FAM227B: variants seen among roughly 807,000 people sequenced by gnomAD.
FAM227B encodes the protein family with sequence similarity 227 member B, also known as protein FAM227B.
FAM227B carries 88 observed loss-of-function variants against 73.8 expected under a neutral mutation model. The ratio of observed to expected loss-of-function variants is 1.19; its 90% CI spans 1.00 to 1.42. FAM227B has a LOEUF of 1.42. Among genes scored for constraint, FAM227B ranks in the 40% most tolerant of loss-of-function variants. The pLI is 0.00. For missense variants in FAM227B, 632 were observed against 590.9 expected (o/e 1.07, Z -0.72); for synonymous variants, 210 against 190.5 (o/e 1.10, Z -0.84).
intron 11 of FAM227B, among the ~76,000 whole-genome samples, chr15:49,447,526 A>G (rs970361174): frequency 6.6e-6 from 1 of 151,706 alleles, no homozygotes; most frequent in Admixed American, 6.6e-5. Flanking sequence ...TTTAATTACT[A>G]AGTCTTGGTA....
At chr15:49,358,207 A>G in intron 13 of FAM227B, among the ~76,000 whole-genome samples, 1 of 151,160 alleles carries the variant, frequency 6.6e-6, no homozygotes, top group Non-Finnish European at 1.5e-5. Context: ...CACCACTCCT[A>G]TTCAACATAG....
chr15:49,404,121 C>G (rs1214685069), intron 11 of FAM227B, among the ~76,000 whole-genome samples: 1 of 151,938 alleles, frequency 6.6e-6, no homozygotes, highest in Non-Finnish European at 1.5e-5. Flanking sequence ...GTGTGTGGTC[C>G]AAGAGACTGG....
At chr15:49,499,473 C>A (rs1291367468) in intron 11 of FAM227B, among the ~76,000 whole-genome samples, 1 of 152,098 alleles carries the variant, frequency 6.6e-6, no homozygotes, top group Non-Finnish European at 1.5e-5. Flanking sequence ...GATACCAATT[C>A]TCCCCAAATT....
chr15:49,476,067 T>C (rs1227704371), intron 11 of FAM227B, among the ~76,000 whole-genome samples: 1 of 152,172 alleles, frequency 6.6e-6, no homozygotes, highest in Non-Finnish European at 1.5e-5. Context: ...ATAGTACTTT[T>C]ATCTCTCAAT....
chr15:49,464,161 G>A (rs2054060143), intron 11 of FAM227B, among the ~76,000 whole-genome samples: 1 of 152,064 alleles, frequency 6.6e-6, no homozygotes. Flanking sequence ...TCTAAACGAG[G>A]GTGTAGGGAG....
intron 13 of FAM227B, among the ~76,000 whole-genome samples, chr15:49,347,150 T>C (rs972743072): frequency 1.3e-5 from 2 of 152,116 alleles, no homozygotes; most frequent in South Asian, 2.1e-4. Context: ...ACTCAGGAAA[T>C]TGAGGGAAGG....
At chr15:49,596,874 G>C (rs1420338807) in intron 3 of FAM227B, among the ~76,000 whole-genome samples, 1 of 151,916 alleles carries the variant, frequency 6.6e-6, no homozygotes, top group Non-Finnish European at 1.5e-5. Flanking sequence ...AAAAGACAAA[G>C]AGGGACATTA....
intron 3 of FAM227B, among the ~76,000 whole-genome samples, chr15:49,600,527 G>T (rs1234098526): frequency 4.0e-5 from 6 of 151,112 alleles, no homozygotes; most frequent in African/African-American, 1.5e-4. Context: ...GGTGGTGTCT[G>T]CCTGTGGTCC....
chr15:49,447,780 C>T (rs2052361995), intron 11 of FAM227B, among the ~76,000 whole-genome samples: 1 of 151,654 alleles, frequency 6.6e-6, no homozygotes, highest in Non-Finnish European at 1.5e-5. Flanking sequence ...CAAACTAATT[C>T]AACTAACTGG....
At chr15:49,503,806 A>G (rs1034327910) in intron 11 of FAM227B, among the ~76,000 whole-genome samples, 3 of 152,168 alleles carry the variant, frequency 2.0e-5, no homozygotes, top group East Asian at 3.9e-4. Flanking sequence ...GGAGAAATAG[A>G]AACACGTTTA....
At chr15:49,440,748 G>C (rs1244849704) in intron 11 of FAM227B, among the ~76,000 whole-genome samples, 4 of 151,602 alleles carry the variant, frequency 2.6e-5, no homozygotes, top group Admixed American at 2.6e-4. Context: ...TTTGGTTCTA[G>C]TAAACAACAG....
chr15:49,514,951 A>G (rs2059279415), intron 10 of FAM227B, among the ~76,000 whole-genome samples: 1 of 152,160 alleles, frequency 6.6e-6, no homozygotes, highest in Non-Finnish European at 1.5e-5. Context: ...GATTTGAATC[A>G]AAGTTTATTT....
At chr15:49,448,129 A>G (rs2052393672) in intron 11 of FAM227B, among the ~76,000 whole-genome samples, 1 of 151,814 alleles carries the variant, frequency 6.6e-6, no homozygotes, top group African/African-American at 2.4e-5. Flanking sequence ...TCCTATTTAC[A>G]TAACATATTT....
At chr15:49,485,398 A>G (rs2056320468) in intron 11 of FAM227B, 1 of 152,158 alleles carries the variant, frequency 6.6e-6, no homozygotes, top group South Asian at 2.1e-4. Context: ...CTTTTTTCCT[A>G]TGGTTACAGC....
intron 13 of FAM227B, among the ~76,000 whole-genome samples, chr15:49,337,105 T>C (rs144451958): frequency 6.6e-6 from 1 of 152,370 alleles, no homozygotes. Context: ...GATGGGGATC[T>C]ACGTTGATTC....
intron 11 of FAM227B, among the ~76,000 whole-genome samples, chr15:49,371,697 TATAA>T (rs1296456460): frequency 7.3e-5 from 11 of 150,426 alleles, no homozygotes; most frequent in East Asian, 5.9e-4. Context: ...AAAATTCACT[TATAA>T]ATAAATGAAA....
At chr15:49,602,791 A>G (rs562940279) in intron 3 of FAM227B, among the ~76,000 whole-genome samples, 2 of 152,298 alleles carry the variant, frequency 1.3e-5, no homozygotes, top group Non-Finnish European at 2.9e-5. Flanking sequence ...CCTAAATTTA[A>G]GTCTTTAATC....
chr15:49,495,145 C>T (rs1421239603), intron 11 of FAM227B, among the ~76,000 whole-genome samples: 2 of 152,084 alleles, frequency 1.3e-5, no homozygotes, highest in Admixed American at 6.6e-5. Flanking sequence ...TAAACCCAGC[C>T]CCTCTGACTA....
chr15:49,600,005 C>G (rs1043230170), intron 3 of FAM227B, among the ~76,000 whole-genome samples: 21 of 152,072 alleles, frequency 1.4e-4, no homozygotes, highest in African/African-American at 5.1e-4. Context: ...GAAAATATGG[C>G]CTTAAAGTCT....
Sources: allele counts gnomAD v4.1 joint callset (sites outside exome capture counted in the v4.1 genomes callset), GRCh38; gene constraint gnomAD v4.1.1; transcripts MANE v1.5; gene names NCBI Gene and HGNC (gene_info 2026-07-23, HGNC 2026-07-21).